Variants in TACR3 observed in about 807,000 individuals in gnomAD.
TACR3 encodes tachykinin receptor 3.
In TACR3, 34 loss-of-function variants were observed where a neutral mutation model predicts 35.0. The observed-to-expected ratio is 0.97, with a 90% CI of 0.74 to 1.30. The LOEUF is 1.30. Ranked by LOEUF, TACR3 falls within the 50% of genes most tolerant of loss-of-function variation. The probability of loss-of-function intolerance (pLI) is 0.00; values close to 1 mark genes in which losing one functional copy is unlikely to be tolerated. For missense variants in TACR3, 558 were observed against 591.7 expected (o/e 0.94, Z 0.59); for synonymous variants, 233 against 221.1 (o/e 1.05, Z -0.48).
Position 103,656,288 on chromosome 4 carries a change from A to G in TACR3, c.794T>C (p.Ile265Thr), listed in dbSNP as rs1419280362. The change falls in exon 3 of 5, where the codon ATT becomes ACT. Residue 265 changes from isoleucine to threonine, a missense_variant. Coordinates refer to ENST00000304883, the MANE Select transcript of TACR3 (RefSeq NM_001059.3). ...VYCFPLLIMG[I>T]TYTIVGITLW... Reference sequence around the variant, plus strand: ...AGTAATTCCAACAATGGTGTATGTAATACCCATGATGAGCAATGGGAAACA... The same window carrying G: ...AGTAATTCCAACAATGGTGTATGTAGTACCCATGATGAGCAATGGGAAACA... The G allele has an allele frequency of 6.2e-7, 1 of 1,612,642 alleles. No homozygotes were observed. Among genetic ancestry groups the G allele is most frequent in the African/African-American group, 1.3e-5 (1 of 74,846 alleles).
chr4:103,591,316 A>C, intron 4 of TACR3, 171 bp downstream of exon 4: 1 of 710,858 alleles, frequency 1.4e-6, no homozygotes, highest in Non-Finnish European at 2.4e-6. Context: ...GATGCTTTAT[A>C]AAGTGTGTAT....
intron 3 of TACR3, among the ~76,000 whole-genome samples, chr4:103,645,261 T>C (rs1454984062): frequency 2.0e-5 from 3 of 151,962 alleles, no homozygotes; most frequent in African/African-American, 7.2e-5. Context: ...AAGCAGAAGT[T>C]CAGATTAATA....
intron 1 of TACR3, among the ~76,000 whole-genome samples, chr4:103,661,064 C>T (rs1312791067): frequency 6.6e-6 from 1 of 151,900 alleles, no homozygotes; most frequent in Non-Finnish European, 1.5e-5. Context: ...CCAGTTTTGC[C>T]AGTCTTCAAA....
At chr4:103,591,739 G>T in intron 3 of TACR3, 56 bp from the exon 4 acceptor site, 1 of 1,487,146 alleles carries the variant, frequency 6.7e-7, no homozygotes, top group Non-Finnish European at 9.2e-7. Context: ...AGTTCCAATA[G>T]CTTATTGCAA....
intron 3 of TACR3, among the ~76,000 whole-genome samples, chr4:103,642,720 T>C (rs1051961269): frequency 6.6e-6 from 1 of 151,636 alleles, no homozygotes; most frequent in Non-Finnish European, 1.5e-5. Context: ...CAGGTAGATA[T>C]AAGGAATACA....
chr4:103,590,459 C>A (rs1289257041), intron 4 of TACR3, among the ~76,000 whole-genome samples: 1 of 152,020 alleles, frequency 6.6e-6, no homozygotes, highest in Non-Finnish European at 1.5e-5. Flanking sequence ...AATTGCTAAT[C>A]TTGATGATTT....
chr4:103,626,708 T>C (rs1332175086), intron 3 of TACR3, among the ~76,000 whole-genome samples: 5 of 152,116 alleles, frequency 3.3e-5, no homozygotes, highest in African/African-American at 9.7e-5. Context: ...AAAGCAGGCA[T>C]TGTGTTTGTT....
At chr4:103,612,389 T>C (rs1209078639) in intron 3 of TACR3, among the ~76,000 whole-genome samples, 3 of 152,194 alleles carry the variant, frequency 2.0e-5, no homozygotes, top group Non-Finnish European at 4.4e-5. Context: ...ACAACTCCGA[T>C]TGCAATTATT....
intron 3 of TACR3, among the ~76,000 whole-genome samples, chr4:103,625,235 C>T (rs191000477): frequency 1.3e-5 from 2 of 151,706 alleles, no homozygotes; most frequent in Admixed American, 1.3e-4. Context: ...TAAATGAAAA[C>T]AATATTACTG....
intron 3 of TACR3, among the ~76,000 whole-genome samples, chr4:103,596,390 C>A (rs1724017294): frequency 1.3e-5 from 2 of 151,742 alleles, no homozygotes. Flanking sequence ...GTTCCTATTT[C>A]TCCACATCCT....
At chr4:103,610,635 T>C (rs75955102) in intron 3 of TACR3, among the ~76,000 whole-genome samples, 1 of 152,254 alleles carries the variant, frequency 6.6e-6, no homozygotes, top group East Asian at 1.9e-4. Flanking sequence ...TAGTTTGTCA[T>C]CATCTTATTT....
chr4:103,591,810 TA>T (rs766690352), intron 3 of TACR3, 127 bp from the exon 4 acceptor site: 127 of 931,770 alleles, frequency 1.4e-4, no homozygotes, highest in Non-Finnish European at 2.0e-4. Context: ...GTCAATATAT[TA>T]AAAAATGGTG....
At chr4:103,612,337 G>A (rs1724531524) in intron 3 of TACR3, among the ~76,000 whole-genome samples, 1 of 152,120 alleles carries the variant, frequency 6.6e-6, no homozygotes, top group South Asian at 2.1e-4. Context: ...AACTCAGCTA[G>A]AATATCACTC....
intron 1 of TACR3, among the ~76,000 whole-genome samples, chr4:103,688,369 A>C (rs1214983751): frequency 6.6e-5 from 10 of 152,152 alleles, no homozygotes; most frequent in African/African-American, 1.4e-4. Context: ...CACCAAAAGC[A>C]ATGGCAACAA....
chr4:103,658,327 T>C lies in TACR3; in HGVS notation c.625A>G (p.Ile209Val), dbSNP rs1725772223. 6.2e-7 allele frequency: 1 copy of C among 1,613,824 alleles called. No homozygotes were observed. Among genetic ancestry groups the C allele is most frequent in the Non-Finnish European group, 8.5e-7 (1 of 1,179,958 alleles). ...ATKIVIGSIW[I>V]LAFLLAFPQC... ...GGGAAGGCAAGTAGAAATGCTAGAA[T>C]CCAAATACTTCCAATGACAATCTTG... The change falls in exon 2 of 5, where the codon ATT (isoleucine) becomes GTT (valine). Residue 209 changes from isoleucine to valine, a missense_variant. Transcript: ENST00000304883.
chr4:103,622,750 T>TA (rs1393028946), intron 3 of TACR3, among the ~76,000 whole-genome samples: 5 of 151,876 alleles, frequency 3.3e-5, no homozygotes, highest in South Asian at 2.1e-4. Context: ...AACCCCCACA[T>TA]AAAAAAGAAT....
At chr4:103,671,192 G>A (rs753258034) in intron 1 of TACR3, among the ~76,000 whole-genome samples, 2 of 151,914 alleles carry the variant, frequency 1.3e-5, no homozygotes, top group Non-Finnish European at 2.9e-5. Flanking sequence ...GCTAGTATTT[G>A]TTGAGGATTA....
At chr4:103,615,440 G>T (rs1014855962) in intron 3 of TACR3, among the ~76,000 whole-genome samples, 3 of 150,440 alleles carry the variant, frequency 2.0e-5, no homozygotes, top group Non-Finnish European at 4.4e-5. Flanking sequence ...AGGGAAATGG[G>T]TTTGTTTTGG....
intron 3 of TACR3, among the ~76,000 whole-genome samples, chr4:103,592,934 G>A (rs1030350459): frequency 1.3e-5 from 2 of 152,202 alleles, no homozygotes; most frequent in African/African-American, 4.8e-5. Context: ...GCATTGAGCA[G>A]ATGGAAATTG....
Sources: allele counts gnomAD v4.1 joint callset (sites outside exome capture counted in the v4.1 genomes callset), GRCh38; gene constraint gnomAD v4.1.1; transcripts MANE v1.5; gene names NCBI Gene and HGNC (gene_info 2026-07-23, HGNC 2026-07-21).